Variants in BMP5 observed in about 807,000 individuals in gnomAD.
BMP5 encodes the protein bone morphogenetic protein 5.
In BMP5, 23 loss-of-function variants were observed where a neutral mutation model predicts 46.6. That is an observed-to-expected ratio of 0.49 (90% CI 0.35 to 0.70). The LOEUF is 0.70. BMP5 is among the 30% of genes least tolerant of loss of function. The probability of loss-of-function intolerance (pLI) is 0.00; values close to 1 mark genes in which losing one functional copy is unlikely to be tolerated. For missense variants in BMP5, 545 were observed against 565.6 expected (o/e 0.96, Z 0.37); for synonymous variants, 204 against 191.9 (o/e 1.06, Z -0.52).
intron 1 of BMP5, among the ~76,000 whole-genome samples, chr6:55,855,034 C>T (rs191176232): frequency 5.1e-4 from 77 of 152,030 alleles, no homozygotes; most frequent in African/African-American, 1.6e-3. Flanking sequence ...CCTAAAATGA[C>T]AAATTTCCTC....
intron 1 of BMP5, among the ~76,000 whole-genome samples, chr6:55,871,599 T>C (rs1257264290): frequency 6.6e-6 from 1 of 151,906 alleles, no homozygotes; most frequent in Non-Finnish European, 1.5e-5. Context: ...CTCATCTGAA[T>C]TTTAAACAGT....
intron 1 of BMP5, among the ~76,000 whole-genome samples, chr6:55,822,737 G>A (rs953461731): frequency 1.3e-5 from 2 of 152,080 alleles, no homozygotes; most frequent in African/African-American, 4.8e-5. Flanking sequence ...CCTGTGAGAT[G>A]TTAGTGTAAT....
chr6:55,866,836 T>C (rs1034782242), intron 1 of BMP5, among the ~76,000 whole-genome samples: 1 of 152,182 alleles, frequency 6.6e-6, no homozygotes, highest in African/African-American at 2.4e-5. Flanking sequence ...CATGCTTATA[T>C]TTACCACTTT....
At chr6:55,774,605 C>T (rs1021447976) in intron 3 of BMP5, among the ~76,000 whole-genome samples, 1 of 151,970 alleles carries the variant, frequency 6.6e-6, no homozygotes, top group Non-Finnish European at 1.5e-5. Context: ...GGCTCTTCGG[C>T]ACTAAATGCC....
At position 55,753,967 on chromosome 6, in the gene BMP5, A is replaced by G. The variant is rs1317920008; in HGVS notation, c.*1566T>C. Reference sequence around the variant, plus strand: ...ATGGTACACCATTAATTAAAAATATATTACTTAATGTACCCCTTAATATAG... The same window carrying G: ...ATGGTACACCATTAATTAAAAATATGTTACTTAATGTACCCCTTAATATAG... On this transcript the variant is annotated 3_prime_UTR_variant, in exon 7 of 7. Transcript: ENST00000370830. 2.0e-5 allele frequency: 3 copies of G among 151,992 alleles called. No individual in the cohort carries two copies. Among genetic ancestry groups the G allele is most frequent in the Non-Finnish European group, 4.4e-5 (3 of 67,942 alleles). 9.4% of individuals were successfully genotyped at this position (151,992 alleles called of 1,614,324 possible). A position where few individuals can be genotyped will look rare whatever the true frequency, so the allele number is the denominator to read the frequency against.
intron 2 of BMP5, among the ~76,000 whole-genome samples, chr6:55,812,046 C>T (rs937924711): frequency 2.0e-5 from 3 of 152,136 alleles, no homozygotes; most frequent in Admixed American, 1.3e-4. Context: ...AAAAGCACTC[C>T]AAGCTCAGCT....
At chr6:55,831,242 G>A (rs993568465) in intron 1 of BMP5, among the ~76,000 whole-genome samples, 2 of 152,068 alleles carry the variant, frequency 1.3e-5, no homozygotes, top group African/African-American at 4.8e-5. Flanking sequence ...GCATCCTAAA[G>A]GGAAAATAAT....
At chr6:55,792,427 G>C (rs532065172) in intron 3 of BMP5, among the ~76,000 whole-genome samples, 1 of 151,928 alleles carries the variant, frequency 6.6e-6, no homozygotes, top group African/African-American at 2.4e-5. Context: ...CCGGCTACTC[G>C]GGAGGCTGAG....
chr6:55,853,215 AATAAG>A (rs1777297552), intron 1 of BMP5, among the ~76,000 whole-genome samples: 4 of 103,868 alleles, frequency 3.9e-5, no homozygotes, highest in Non-Finnish European at 6.5e-5. Context: ...AATAAAATAA[AATAAG>A]ATAAAATACA....
chr6:55,770,206 C>T (rs1032738276), intron 4 of BMP5, among the ~76,000 whole-genome samples: 2 of 151,930 alleles, frequency 1.3e-5, no homozygotes, highest in African/African-American at 4.8e-5. Flanking sequence ...TCTTAATCTC[C>T]ATTAAAAATC....
At position 55,766,158 on chromosome 6, in the gene BMP5, T is replaced by G. The variant is rs186056459; in HGVS notation, c.1028-5625A>C. ...TCTAGGTATCCTGTTGGAAGCCCTT[T>G]GCACTCTTAGTTGCCTCATACTTCC... On this transcript the variant is annotated intron_variant, in intron 4 of 6. Coordinates refer to ENST00000370830, the MANE Select transcript of BMP5 (RefSeq NM_021073.4). 2.8e-3 allele frequency among the ~76,000 whole-genome samples: 424 copies of G among 152,278 alleles called. 3 individuals are homozygous for G. Among genetic ancestry groups the G allele is most frequent in the Non-Finnish European group, 4.3e-3 (292 of 68,024 alleles).
chr6:55,792,306 G>A lies in BMP5; in HGVS notation c.832+1973C>T, dbSNP rs574591565. 1.2e-4 allele frequency among the ~76,000 whole-genome samples: 19 copies of A among 152,220 alleles called. 1 individual carries two copies. The South Asian group carries it at 3.7e-3, about 30-fold the overall frequency. On this transcript the variant is annotated intron_variant, in intron 3 of 6. Transcript: ENST00000370830. Reference sequence around the variant, plus strand: ...CCCAGCACTTTGGAAGGCCAAGGCGGGCGGATCACGAGGTCAGGAGATCGA... The same window carrying A: ...CCCAGCACTTTGGAAGGCCAAGGCGAGCGGATCACGAGGTCAGGAGATCGA...
intron 4 of BMP5, among the ~76,000 whole-genome samples, chr6:55,764,766 G>C (rs1774882599): frequency 6.6e-6 from 1 of 151,682 alleles, no homozygotes; most frequent in Non-Finnish European, 1.5e-5. Context: ...GAGTAGAATG[G>C]TGGTTACCAA....
chr6:55,796,145 T>C (rs1775707288), intron 2 of BMP5, among the ~76,000 whole-genome samples: 1 of 152,188 alleles, frequency 6.6e-6, no homozygotes, highest in Non-Finnish European at 1.5e-5. Flanking sequence ...CCTTGGGAAA[T>C]ACTTGAGTGC....
At position 55,754,792 on chromosome 6, in the gene BMP5, G is replaced by T. The variant is rs760515618; in HGVS notation, c.*741C>A. 6.6e-6 allele frequency: 1 copy of T among 152,148 alleles called. No homozygotes were observed. Among genetic ancestry groups the T allele is most frequent in the African/African-American group, 2.4e-5 (1 of 41,580 alleles). 9.4% of individuals were successfully genotyped at this position (152,148 alleles called of 1,614,324 possible). ...AGACATGATTTATTTGAGGTAAGAA[G>T]GTTGTACTACAATTAGTGTTAACTT... On this transcript the variant is annotated 3_prime_UTR_variant, in exon 7 of 7. Transcript: ENST00000370830.
rs1437862167 is a variant in BMP5 at position 55,774,237 on chromosome 6, C to T, written c.839G>A (p.Ser280Asn). ...AAGACCAGCAGATTTTACGTTGATACTGCGTCCTAGAACGTAATACAAAAG... is the reference window on the plus strand; with the variant it reads ...AAGACCAGCAGATTTTACGTTGATATTGCGTCCTAGAACGTAATACAAAAG... ...QLCAETGDGR[S>N]INVKSAGLVG... The change falls in exon 4 of 7, where the codon AGT becomes AAT. Residue 280 changes from serine (S) to asparagine (N), a missense_variant. Transcript: ENST00000370830. 6.2e-7 allele frequency: 1 copy of T among 1,612,662 alleles called. No individual in the cohort carries two copies. The highest frequency in any genetic ancestry group is 8.5e-7 in the Non-Finnish European group (1 of 1,179,106).
chr6:55,830,186 A>G (rs543062146), intron 1 of BMP5, among the ~76,000 whole-genome samples: 1 of 152,204 alleles, frequency 6.6e-6, no homozygotes, highest in Non-Finnish European at 1.5e-5. Flanking sequence ...TTAAAGATGT[A>G]TTGTATAATT....
At chr6:55,788,099 G>A (rs1163832690) in intron 3 of BMP5, among the ~76,000 whole-genome samples, 5 of 151,472 alleles carry the variant, frequency 3.3e-5, no homozygotes, top group Non-Finnish European at 5.9e-5. Flanking sequence ...ACTGTTTAAC[G>A]CTTACTAATA....
At chr6:55,767,857 T>C (rs1774951999) in intron 4 of BMP5, among the ~76,000 whole-genome samples, 1 of 151,968 alleles carries the variant, frequency 6.6e-6, no homozygotes, top group South Asian at 2.1e-4. Flanking sequence ...CTGCAACAGT[T>C]GAAAAGAATT....
Sources: gnomAD v4.1 joint callset for allele counts (sites outside exome capture counted in the v4.1 genomes callset) on GRCh38, gnomAD v4.1.1 for gene constraint, MANE v1.5 for transcripts, NCBI Gene and HGNC (gene_info 2026-07-23, HGNC 2026-07-21) for gene names.